FOLH1: variants seen among roughly 807,000 people sequenced by gnomAD.
FOLH1 encodes folate hydrolase 1, also known as glutamate carboxypeptidase 2.
Under a neutral mutation model 93.9 loss-of-function variants are expected in FOLH1, and 54 were observed. The ratio of observed to expected loss-of-function variants is 0.57; its 90% confidence interval spans 0.46 to 0.72. FOLH1 has a LOEUF of 0.72. Ranked by LOEUF, FOLH1 falls within the 30% of genes least tolerant of loss-of-function variation. FOLH1 has a pLI of 0.00. For missense variants in FOLH1, 571 were observed against 892.5 expected, an observed-to-expected ratio of 0.64 and a Z score of 4.59; for synonymous variants, 249 against 303.6, an observed-to-expected ratio of 0.82 and a Z score of 1.87.
intron 13 of FOLH1, among the ~76,000 whole-genome samples, chr11:49,161,852 T>G (rs186325494): frequency 8.2e-4 from 125 of 152,330 alleles, no homozygotes; most frequent in African/African-American, 2.8e-3. Flanking sequence ...TTGCTTGTCT[T>G]GAAAGAATCT....
chr11:49,170,573 T>A (rs1859139103), intron 11 of FOLH1, among the ~76,000 whole-genome samples: 1 of 152,266 alleles, frequency 6.6e-6, no homozygotes, highest in East Asian at 1.9e-4. Flanking sequence ...AGAAATCACA[T>A]CACTGTACTC....
intron 2 of FOLH1, among the ~76,000 whole-genome samples, chr11:49,203,046 T>C (rs867151253): frequency 6.6e-6 from 1 of 152,218 alleles, no homozygotes; most frequent in African/African-American, 2.4e-5. Context: ...AATTTGATAT[T>C]CTAGTATCAA....
chr11:49,154,475 G>A lies in FOLH1; in HGVS notation c.1641C>T (p.Ser547=), dbSNP rs182388588. ...YTKNWETNKF[S]GYPLYHSVYE... Reference sequence around the variant, plus strand: ...AGACACTGTGATACAGTGGATAGCCGCTGAATTTGTTTGTTTCCTACAGAA... The same window carrying A: ...AGACACTGTGATACAGTGGATAGCCACTGAATTTGTTTGTTTCCTACAGAA... Residue 547 remains serine (S), a synonymous_variant, in exon 16 of 19, where the codon AGC becomes AGT. Coordinates refer to ENST00000256999, the MANE Select transcript of FOLH1 (RefSeq NM_004476.3). 44 of 1,582,114 alleles carry A rather than the reference G, an allele frequency of 2.8e-5. No individual in the cohort carries two copies. The highest frequency in any genetic ancestry group is 6.8e-5 in the East Asian group (3 of 44,200).
chr11:49,173,051 T>C (rs1228495701), intron 10 of FOLH1, among the ~76,000 whole-genome samples: 5 of 152,208 alleles, frequency 3.3e-5, no homozygotes, highest in Non-Finnish European at 7.3e-5. Flanking sequence ...TATAATCTAA[T>C]TTCAGTGTGT....
chr11:49,146,990 T>C (rs1450470777), intron 18 of FOLH1, 45 bp from the exon 19 acceptor site: 2 of 1,579,108 alleles, frequency 1.3e-6, no homozygotes, highest in Non-Finnish European at 8.6e-7. Context: ...CCAAATGATA[T>C]ACAAGAGAAA....
chr11:49,151,157 A>T (rs1856471349), intron 17 of FOLH1, among the ~76,000 whole-genome samples: 1 of 152,208 alleles, frequency 6.6e-6, no homozygotes, highest in African/African-American at 2.4e-5. Flanking sequence ...AAATAGGAAC[A>T]ACTTAAACTC....
intron 1 of FOLH1, among the ~76,000 whole-genome samples, chr11:49,206,612 G>A (rs1473542302): frequency 1.3e-5 from 2 of 152,170 alleles, no homozygotes; most frequent in Admixed American, 1.3e-4. Flanking sequence ...AATTAATTAT[G>A]AATATATTTC....
At chr11:49,163,565 G>A (rs1179801675) in intron 13 of FOLH1, among the ~76,000 whole-genome samples, 1 of 150,570 alleles carries the variant, frequency 6.6e-6, no homozygotes, top group Non-Finnish European at 1.5e-5. Context: ...GTGGCTGGCT[G>A]GAAATCCAAG....
In FOLH1 at chr11:49,208,372, G is replaced by A. The variant is rs778111409; in HGVS notation, c.38C>T (p.Ala13Val). The A allele has an allele frequency of 6.2e-7, 1 of 1,603,964 alleles. No homozygotes were observed. Among genetic ancestry groups the A allele is most frequent in the Non-Finnish European group, 8.5e-7 (1 of 1,174,414 alleles). ...NLLHETDSAVATARRPRWLCA... is the reference protein window; with the variant it reads ...NLLHETDSAVVTARRPRWLCA... ...CAGCCAGCGCGGGCGGCGCGCGGTG[G>A]CCACAGCCGAGTCGGTTTCGTGAAG... is the stretch of plus-strand genomic sequence containing the variant. The change falls in exon 1 of 19, where the codon GCC becomes GTC. Residue 13 changes from alanine to valine, a missense_variant. By Grantham distance (64) the Ala-to-Val change is moderately conservative. Around this residue, in one of 2 missense-constraint regions of FOLH1, gnomAD observed 71 missense variants for 69.6 expected, o/e 1.02. Transcript: ENST00000256999.
intron 12 of FOLH1, among the ~76,000 whole-genome samples, chr11:49,168,740 C>T (rs186319294): frequency 2.3e-3 from 353 of 152,162 alleles, no homozygotes; most frequent in South Asian, 0.018. Context: ...CAAAGTGCTG[C>T]GATTACAGGC....
intron 18 of FOLH1, 151 bp from the exon 19 acceptor site, chr11:49,147,096 G>A (rs1234970415): frequency 3.6e-6 from 2 of 554,512 alleles, no homozygotes; most frequent in Admixed American, 7.3e-5. Context: ...CATCTCTGAA[G>A]ACTATTATAT....
intron 7 of FOLH1, among the ~76,000 whole-genome samples, chr11:49,180,379 T>A (rs765762809): frequency 3.7e-4 from 57 of 152,284 alleles, no homozygotes; most frequent in East Asian, 1.2e-3. Context: ...AGGGTACATG[T>A]AAAGAAAAAT....
At chr11:49,178,548 T>G (rs1590582344) in intron 7 of FOLH1, among the ~76,000 whole-genome samples, 1 of 152,246 alleles carries the variant, frequency 6.6e-6, no homozygotes, top group Non-Finnish European at 1.5e-5. Context: ...GAATCTAATA[T>G]ACCAATGAAA....
At chr11:49,206,796 A>C (rs530152906) in intron 1 of FOLH1, 9 of 1,535,740 alleles carry the variant, frequency 5.9e-6, no homozygotes, top group Non-Finnish European at 7.0e-6. Flanking sequence ...TCTGCCAGAC[A>C]CCCAGTGCAC....
intron 7 of FOLH1, among the ~76,000 whole-genome samples, chr11:49,176,715 T>A (rs1382163566): frequency 6.6e-6 from 1 of 151,876 alleles, no homozygotes; most frequent in Admixed American, 6.6e-5. Context: ...AGAGACTGAG[T>A]GTTCAAACTG....
intron 12 of FOLH1, among the ~76,000 whole-genome samples, chr11:49,166,044 A>G (rs933749116): frequency 3.3e-5 from 5 of 152,226 alleles, no homozygotes; most frequent in African/African-American, 1.2e-4. Context: ...ATTAACCACA[A>G]CAAACTGAAG....
chr11:49,181,515 A>G (rs1477676140), intron 7 of FOLH1, among the ~76,000 whole-genome samples: 2 of 152,078 alleles, frequency 1.3e-5, no homozygotes, highest in African/African-American at 4.8e-5. Context: ...ATTATTAATT[A>G]TTCTGGTACT....
chr11:49,153,870 C>T lies in FOLH1; in HGVS notation c.1946G>A (p.Arg649Lys). ...FTEIASKFSERLQDFDKSNPI... is the reference protein window; with the variant it reads ...FTEIASKFSEKLQDFDKSNPI... The stretch of plus-strand genomic sequence containing the variant: ...CTTGCTTTTGTCAAAGTCCTGGAGT[C>T]TCTCACTGAACTTGGAAGCAATTTC... The change falls in exon 17 of 19, where the codon AGA becomes AAA. Residue 649 changes from arginine (R) to lysine (K), a missense_variant. Physicochemically the swap from Arg to Lys is conservative, Grantham distance 26. Coordinates refer to ENST00000256999, the MANE Select transcript of FOLH1 (RefSeq NM_004476.3). The T allele has an allele frequency of 6.2e-7, 1 of 1,607,214 alleles. No homozygotes were observed. The highest frequency in any genetic ancestry group is 8.5e-7 in the Non-Finnish European group (1 of 1,176,552).
In FOLH1 at chr11:49,157,993, C is replaced by T. The variant is rs1429385037; in HGVS notation, c.1491G>A (p.Trp497Ter). 1.9e-6 allele frequency: 3 copies of T among 1,598,720 alleles called. No homozygotes were observed. The highest frequency in any genetic ancestry group is 2.6e-6 in the Non-Finnish European group (3 of 1,171,374). ...ACTCTGGGGAAGGACTTTTTTTAGT[C>T]CAACTTTCATAAAGAGATTTGCCTT... ...GFEGKSLYES[W>*]TKKSPSPEFS... Residue 497 changes from tryptophan to a stop codon, truncating the protein, a stop_gained, in exon 14 of 19, where the codon TGG (tryptophan) becomes TGA (stop). Coordinates refer to ENST00000256999, the MANE Select transcript of FOLH1 (RefSeq NM_004476.3). LOFTEE classifies it high-confidence loss of function.
Sources: allele counts gnomAD v4.1 joint callset (sites outside exome capture counted in the v4.1 genomes callset), GRCh38; gene constraint gnomAD v4.1.1; regional missense constraint gnomAD v4.1.1; transcripts MANE v1.5; gene names NCBI Gene and HGNC (gene_info 2026-07-23, HGNC 2026-07-21).